The following GPHN variants were observed in gnomAD, a reference collection of about 807,000 sequenced individuals.
GPHN encodes gephyrin.
A neutral mutation model predicts 95.5 loss-of-function variants in GPHN; 17 were observed. The observed-to-expected ratio is 0.18, with a 90% CI of 0.12 to 0.27. The LOEUF is 0.27. Among genes scored for constraint, GPHN ranks in the 10% least tolerant of loss-of-function variants. GPHN has a pLI of 1.00. For synonymous variants in GPHN, 320 were observed against 322.5 expected, an observed-to-expected ratio of 0.99 and a Z score of 0.08; for missense variants, 660 against 978.1, an observed-to-expected ratio of 0.67 and a Z score of 4.34.
the GPHN span, among the ~76,000 whole-genome samples, chr14:67,213,936 T>C: frequency 6.6e-6 from 1 of 152,254 alleles, no homozygotes; most frequent in Non-Finnish European, 1.5e-5. Flanking sequence ...CATTTTTTCA[T>C]GTGTTTTTTG....
At chr14:66,754,753 C>G (rs1311025591) in intron 2 of GPHN, among the ~76,000 whole-genome samples, 1 of 151,868 alleles carries the variant, frequency 6.6e-6, no homozygotes, top group African/African-American at 2.4e-5. Context: ...ATTAAAATAG[C>G]CTTTTGACTT....
At chr14:66,893,496 T>C (rs2064643626) in intron 5 of GPHN, among the ~76,000 whole-genome samples, 1 of 152,150 alleles carries the variant, frequency 6.6e-6, no homozygotes, top group South Asian at 2.1e-4. Flanking sequence ...CAACATAGTG[T>C]TGGAAATTCT....
the GPHN span, chr14:67,343,445 T>C: frequency 4.4e-6 from 7 of 1,575,868 alleles, no homozygotes; most frequent in African/African-American, 8.1e-5. Flanking sequence ...AAGTCTAAAA[T>C]AAGAACAAAT....
intron 3 of GPHN, among the ~76,000 whole-genome samples, chr14:66,820,598 ATGGAGT>A (rs2061152410): frequency 6.6e-6 from 1 of 152,186 alleles, no homozygotes; most frequent in African/African-American, 2.4e-5. Context: ...AGAAAAAGAT[ATGGAGT>A]CTCTTTTAGT....
At chr14:67,453,735 G>A in the GPHN span, among the ~76,000 whole-genome samples, 1 of 152,152 alleles carries the variant, frequency 6.6e-6, no homozygotes, top group African/African-American at 2.4e-5. Context: ...CCATCTGCTG[G>A]GCCTTGGCTG....
intron 2 of GPHN, among the ~76,000 whole-genome samples, chr14:66,711,951 T>C (rs1379375185): frequency 1.3e-5 from 2 of 152,184 alleles, no homozygotes; most frequent in Non-Finnish European, 2.9e-5. Flanking sequence ...TAGTATTCCA[T>C]GATGTATATG....
At chr14:67,132,954 T>C (rs1052845852) in intron 17 of GPHN, among the ~76,000 whole-genome samples, 3 of 151,972 alleles carry the variant, frequency 2.0e-5, no homozygotes, top group Admixed American at 2.0e-4. Context: ...TTTTTCTAAC[T>C]TTTTTTCACT....
intron 1 of GPHN, among the ~76,000 whole-genome samples, chr14:66,660,528 A>C (rs1284405002): frequency 6.6e-6 from 1 of 152,148 alleles, no homozygotes; most frequent in Admixed American, 6.5e-5. Context: ...TTTCTTCATC[A>C]AAGAATGTCG....
chr14:67,391,269 A>ATGTGTGTGTGTGTGTGTG, the GPHN span, among the ~76,000 whole-genome samples: 10 of 139,568 alleles, frequency 7.2e-5, no homozygotes, highest in African/African-American at 2.6e-4. Flanking sequence ...TAAGCAGCTG[A>ATGTGTGTGTGTGTGTGTG]TATGTGTGTG....
At chr14:66,719,312 C>T (rs1477355719) in intron 2 of GPHN, among the ~76,000 whole-genome samples, 1 of 152,174 alleles carries the variant, frequency 6.6e-6, no homozygotes, top group Non-Finnish European at 1.5e-5. Flanking sequence ...GGACTTTTTC[C>T]TCTGATGCCT....
chr14:67,430,770 A>C, the GPHN span, among the ~76,000 whole-genome samples: 1 of 152,270 alleles, frequency 6.6e-6, no homozygotes, highest in African/African-American at 2.4e-5. Context: ...GCTCATCAGT[A>C]AGGGGCAGAG....
chr14:66,884,524 GC>G (rs1321123045), intron 5 of GPHN, among the ~76,000 whole-genome samples: 3 of 151,796 alleles, frequency 2.0e-5, no homozygotes, highest in Non-Finnish European at 4.4e-5. Flanking sequence ...TAACTAAACT[GC>G]CCACAAAATA....
intron 11 of GPHN, among the ~76,000 whole-genome samples, chr14:67,072,969 T>C (rs1288625272): frequency 1.3e-5 from 2 of 152,158 alleles, no homozygotes; most frequent in African/African-American, 4.8e-5. Context: ...AGTTGGCATA[T>C]TGGTATGTAT....
chr14:67,695,195 C>G, the GPHN span, among the ~76,000 whole-genome samples: 284 of 152,302 alleles, frequency 1.9e-3, 2 homozygotes, highest in Admixed American at 4.5e-3. Flanking sequence ...GCAGATGTTA[C>G]GATTGCTATC....
chr14:66,586,463 A>T (rs556042870), intron 1 of GPHN, among the ~76,000 whole-genome samples: 1 of 152,230 alleles, frequency 6.6e-6, no homozygotes, highest in Non-Finnish European at 1.5e-5. Context: ...TCGTTAGTTG[A>T]TGCAGTTTCT....
chr14:67,203,090 T>C, the GPHN span: 1 of 1,610,516 alleles, frequency 6.2e-7, no homozygotes, highest in Admixed American at 1.7e-5. Flanking sequence ...TTTTCTGCAC[T>C]CAGGTCAACA....
rs567620423 is a variant in GPHN, at chr14:67,062,085, TA to T, written c.1144+3308del. ...AATGCCCTAATAAATAACATGGATA[TA>T]AAAAAAAAGCAGAGTTCTGTAAGTG... On this transcript the variant is annotated intron_variant, in intron 11 of 22. Coordinates refer to ENST00000478722, the MANE Select transcript of GPHN (RefSeq NM_020806.5). Among the ~76,000 whole-genome samples the T allele has an allele frequency of 9.2e-4, 138 of 150,808 alleles. 2 individuals carry two copies. The highest frequency in any genetic ancestry group is 1.2e-3 in the East Asian group (6 of 5,158).
chr14:67,695,649 T>C, the GPHN span: 37 of 1,614,038 alleles, frequency 2.3e-5, no homozygotes, highest in East Asian at 5.3e-4. Flanking sequence ...GGCGCAGCCA[T>C]ATACAGAAGG....
At chr14:66,509,687 C>A (rs1386068372) in intron 1 of GPHN, among the ~76,000 whole-genome samples, 1 of 152,138 alleles carries the variant, frequency 6.6e-6, no homozygotes, top group Non-Finnish European at 1.5e-5. Context: ...AAATCCAAGA[C>A]TCAGTGATGT....
Sources: gnomAD v4.1 joint callset for allele counts (sites outside exome capture counted in the v4.1 genomes callset) on GRCh38, gnomAD v4.1.1 for gene constraint, MANE v1.5 for transcripts, NCBI Gene and HGNC (gene_info 2026-07-23, HGNC 2026-07-21) for gene names.